TMEM106B: variants seen among roughly 807,000 people sequenced by gnomAD.
The protein encoded by TMEM106B is transmembrane protein 106B.
In TMEM106B, 15 loss-of-function variants were observed where a neutral mutation model predicts 31.1. That is an observed-to-expected ratio of 0.48 (90% CI 0.32 to 0.74). TMEM106B has a LOEUF of 0.74. Among genes scored for constraint, TMEM106B ranks in the 30% least tolerant of loss-of-function variants. The pLI is 0.03. For synonymous variants in TMEM106B, 126 were observed against 112.5 expected (o/e 1.12, Z -0.76); for missense variants, 283 against 327.3 (o/e 0.86, Z 1.04).
At chr7:12,227,629 A>ATATCTTTGTGCTTAAACTTTGTTTC (rs757888753) in intron 4 of TMEM106B, among the ~76,000 whole-genome samples, 13,567 of 150,214 alleles carry the variant, frequency 0.09, 549 homozygotes, top group South Asian at 0.15. Flanking sequence ...TATTAGGAAA[A>ATATCTTTGTGCTTAAACTTTGTTTC]CATCTTTGTG....
At position 12,233,032 on chromosome 7, in the gene TMEM106B, C is replaced by G. The variant is rs1782057140; in HGVS notation, c.*1057C>G. On this transcript the variant is annotated 3_prime_UTR_variant, in exon 8 of 8. Coordinates refer to ENST00000396668, the MANE Select transcript of TMEM106B (RefSeq NM_001134232.2). ...TTTTGGTAGAAATTGTTCAAGAAAT[C>G]CTTAATTGAATGTCATTAAATGATG... is the stretch of plus-strand genomic sequence containing the variant. 1 of 151,526 alleles carries G rather than the reference C, an allele frequency of 6.6e-6. No individual in the cohort carries two copies. Among genetic ancestry groups the G allele is most frequent in the African/African-American group, 2.4e-5 (1 of 41,324 alleles). 9.4% of individuals were successfully genotyped at this position (151,526 alleles called of 1,614,324 possible).
intron 4 of TMEM106B, 60 bp downstream of exon 4, chr7:12,224,445 C>G (rs959295001): frequency 2.1e-6 from 3 of 1,397,636 alleles, no homozygotes; most frequent in African/African-American, 2.9e-5. Context: ...TTAAGCAGCA[C>G]CTTTGTCCCC....
rs932587216 is a variant in TMEM106B at position 12,211,324 on chromosome 7, G to C, written c.-104G>C. ...TACGGCGGCCGCGCGCTCCAGGCCG[G>C]TCGCTCCACCCCCCGGCTCCCGGGA... On this transcript the variant is annotated 5_prime_UTR_variant, in exon 1 of 8. Coordinates refer to ENST00000396668, the MANE Select transcript of TMEM106B (RefSeq NM_001134232.2). 1.3e-5 allele frequency: 2 copies of C among 152,412 alleles called. No homozygotes were observed. Among genetic ancestry groups the C allele is most frequent in the Non-Finnish European group, 2.9e-5 (2 of 68,204 alleles). 9.4% of individuals were successfully genotyped at this position (152,412 alleles called of 1,614,324 possible). A position where few individuals can be genotyped will look rare whatever the true frequency, so the allele number is the denominator to read the frequency against.
intron 1 of TMEM106B, among the ~76,000 whole-genome samples, chr7:12,212,255 C>T (rs889359699): frequency 9.9e-5 from 15 of 152,192 alleles, no homozygotes; most frequent in Non-Finnish European, 1.8e-4. Context: ...AGCTTACAGC[C>T]TGGCTGTGTT....
chr7:12,215,192 A>G (rs1414914046), intron 2 of TMEM106B, among the ~76,000 whole-genome samples, 165 bp downstream of exon 2: 1 of 152,210 alleles, frequency 6.6e-6, no homozygotes, highest in Non-Finnish European at 1.5e-5. Context: ...AGAAACAAAT[A>G]AAGTATTAAT....
At chr7:12,221,106 GTGTGTC>G (rs1347202582) in intron 3 of TMEM106B, among the ~76,000 whole-genome samples, 3 of 151,904 alleles carry the variant, frequency 2.0e-5, no homozygotes, top group Non-Finnish European at 4.4e-5. Flanking sequence ...GTGTGTGTGT[GTGTGTC>G]TGTATCTGTG....
intron 6 of TMEM106B, 43 bp downstream of exon 6, chr7:12,230,481 A>G: frequency 7.8e-7 from 1 of 1,287,702 alleles, no homozygotes; most frequent in Non-Finnish European, 1.1e-6. Context: ...CAAATAATGA[A>G]GTGTATAAAA....
chr7:12,218,180 T>G (rs1781724124), intron 2 of TMEM106B, among the ~76,000 whole-genome samples: 1 of 151,780 alleles, frequency 6.6e-6, no homozygotes, highest in Non-Finnish European at 1.5e-5. Context: ...TTAGCTCTTC[T>G]GAAAGCTAGG....
At chr7:12,216,160 T>C (rs1298573164) in intron 2 of TMEM106B, among the ~76,000 whole-genome samples, 1 of 152,122 alleles carries the variant, frequency 6.6e-6, no homozygotes, top group Non-Finnish European at 1.5e-5. Context: ...TATTTAAGAA[T>C]AAAATAATTA....
chr7:12,231,028 C>T, intron 6 of TMEM106B, 34 bp from the exon 7 acceptor site: 1 of 1,453,808 alleles, frequency 6.9e-7, no homozygotes, highest in Non-Finnish European at 9.5e-7. Context: ...AATGTAGTAA[C>T]TTGCATTTGT....
At chr7:12,221,979 TATA>T (rs1280087051) in intron 3 of TMEM106B, among the ~76,000 whole-genome samples, 1 of 152,204 alleles carries the variant, frequency 6.6e-6, no homozygotes, top group East Asian at 1.9e-4. Flanking sequence ...GTAATAAAAT[TATA>T]ATATTTTGGG....
intron 3 of TMEM106B, among the ~76,000 whole-genome samples, chr7:12,221,386 A>T (rs1306301363): frequency 6.6e-6 from 1 of 152,194 alleles, no homozygotes; most frequent in Non-Finnish European, 1.5e-5. Context: ...TGGAAATTTT[A>T]TACTTAAATA....
intron 4 of TMEM106B, among the ~76,000 whole-genome samples, chr7:12,228,365 A>G (rs1193849119): frequency 6.6e-6 from 1 of 151,872 alleles, no homozygotes; most frequent in African/African-American, 2.4e-5. Flanking sequence ...AAAAATCAGT[A>G]TTTTTAAAAA....
In TMEM106B at chr7:12,224,343, C is replaced by A; in HGVS notation, c.399C>A (p.Val133=). Residue 133 remains valine (V), a synonymous_variant, in exon 4 of 8, where the codon GTC becomes GTA. Transcript: ENST00000396668. ...VKYIGVKSAY[V]SYDVQKRTIY... is the part of the protein sequence containing the mutation. ...ACATTGGTGTAAAATCAGCCTATGTCAGTTATGATGTTCAGAAGCGTACAA... is the reference window on the plus strand; with the variant it reads ...ACATTGGTGTAAAATCAGCCTATGTAAGTTATGATGTTCAGAAGCGTACAA... 6.2e-7 allele frequency: 1 copy of A among 1,613,784 alleles called. No individual in the cohort carries two copies. Among genetic ancestry groups the A allele is most frequent in the Non-Finnish European group, 8.5e-7 (1 of 1,179,760 alleles).
At chr7:12,227,415 C>A (rs1409370046) in intron 4 of TMEM106B, among the ~76,000 whole-genome samples, 1 of 151,930 alleles carries the variant, frequency 6.6e-6, no homozygotes, top group Non-Finnish European at 1.5e-5. Flanking sequence ...CATATATTTA[C>A]GAACAATGCA....
Position 12,223,502 on chromosome 7 carries a change from T to A in TMEM106B, c.282-724T>A, listed in dbSNP as rs181409639. On this transcript the variant is annotated intron_variant, in intron 3 of 7. Coordinates refer to ENST00000396668, the MANE Select transcript of TMEM106B (RefSeq NM_001134232.2). ...GCTCTCCCTTCCCCATCATTATTATTTCTAAGATGGTTCTGATGAGCAGTC... is the reference window on the plus strand; with the variant it reads ...GCTCTCCCTTCCCCATCATTATTATATCTAAGATGGTTCTGATGAGCAGTC... Among the ~76,000 whole-genome samples the A allele has an allele frequency of 3.3e-3, 507 of 152,238 alleles. 3 individuals are homozygous for A. The highest frequency in any genetic ancestry group is 0.012 in the African/African-American group (482 of 41,540).
At chr7:12,213,099 A>G (rs1335557572) in intron 1 of TMEM106B, among the ~76,000 whole-genome samples, 4 of 152,194 alleles carry the variant, frequency 2.6e-5, no homozygotes, top group African/African-American at 9.6e-5. Flanking sequence ...ATCTACCTGC[A>G]GAAGTTATTT....
Position 12,236,706 on chromosome 7 carries a change from C to A in TMEM106B, c.*4731C>A, listed in dbSNP as rs959325744. The A allele has an allele frequency of 6.6e-6, 1 of 151,950 alleles. No individual in the cohort carries two copies. The highest frequency in any genetic ancestry group is 1.5e-5 in the Non-Finnish European group (1 of 67,918). 9.4% of individuals were successfully genotyped at this position (151,950 alleles called of 1,614,324 possible). A position where few individuals can be genotyped will look rare whatever the true frequency, so the allele number is the denominator to read the frequency against. On this transcript the variant is annotated 3_prime_UTR_variant, in exon 8 of 8. Transcript: ENST00000396668. Reference sequence around the variant, plus strand: ...TATATCAGCTGTAGTTGGGTAATTCCAAGTGCTGATAGTACTATTCATCTT... The same window carrying A: ...TATATCAGCTGTAGTTGGGTAATTCAAAGTGCTGATAGTACTATTCATCTT...
At position 12,214,980 on chromosome 7, in the gene TMEM106B, A is replaced by G. The variant is rs755503836; in HGVS notation, c.170A>G (p.Asp57Gly). The change falls in exon 2 of 8, where the codon GAT becomes GGT. Residue 57 changes from aspartate to glycine, a missense_variant. This residue lies in a region of TMEM106B where 77 missense variants were observed against 89.4 expected (regional missense o/e 0.86). Coordinates refer to ENST00000396668, the MANE Select transcript of TMEM106B (RefSeq NM_001134232.2). ...CCATATGTGGAATTTACAGGAAGAGATAGTGTCACCTGCCCTACTTGTCAG... is the reference window on the plus strand; with the variant it reads ...CCATATGTGGAATTTACAGGAAGAGGTAGTGTCACCTGCCCTACTTGTCAG... ...QFPYVEFTGR[D>G]SVTCPTCQGT... is the part of the protein sequence containing the mutation. The G allele has an allele frequency of 6.2e-7, 1 of 1,614,032 alleles. No individual in the cohort carries two copies. The highest frequency in any genetic ancestry group is 2.2e-5 in the East Asian group (1 of 44,842).
Sources: gnomAD v4.1 joint callset for allele counts (sites outside exome capture counted in the v4.1 genomes callset) on GRCh38, gnomAD v4.1.1 for gene constraint, gnomAD v4.1.1 regional missense constraint, MANE v1.5 for transcripts, NCBI Gene and HGNC (gene_info 2026-07-23, HGNC 2026-07-21) for gene names.